The following MANBA variants were observed in gnomAD, a reference collection of about 807,000 sequenced individuals.
MANBA encodes the protein mannosidase beta.
MANBA carries 83 observed loss-of-function variants against 111.1 expected under a neutral mutation model. The ratio of observed to expected loss-of-function variants is 0.75; its 90% confidence interval spans 0.63 to 0.90. The LOEUF (loss-of-function observed/expected upper bound fraction) is 0.90. MANBA is among the 40% of genes least tolerant of loss of function. The pLI, the probability that MANBA is intolerant of heterozygous loss-of-function variation, is 0.00. For missense variants in MANBA, 1,036 were observed against 1,069.0 expected, an observed-to-expected ratio of 0.97 and a Z score of 0.43; for synonymous variants, 370 against 378.7, an observed-to-expected ratio of 0.98 and a Z score of 0.27.
rs374622354 is a variant in MANBA at position 102,636,014 on chromosome 4, A to G, written c.2015-7T>C. 78 of 1,613,048 alleles carry G rather than the reference A, an allele frequency of 4.8e-5. No individual in the cohort carries two copies. Among genetic ancestry groups the G allele is most frequent in the Non-Finnish European group, 6.1e-5 (72 of 1,179,168 alleles). ...TTCCACTTTCCTCCGTACTCTGAAA[A>G]TAATCAAGAGTGTCAGGAGACGGCA... On this transcript the variant is annotated splice_polypyrimidine_tract_variant and splice_region_variant and intron_variant, in intron 14 of 16. Transcript: ENST00000647097.
At chr4:102,719,932 A>G (rs1722498119) in intron 4 of MANBA, among the ~76,000 whole-genome samples, 1 of 152,252 alleles carries the variant, frequency 6.6e-6, no homozygotes, top group Non-Finnish European at 1.5e-5. Context: ...GATAGCAGAA[A>G]ACTGGATCTG....
At chr4:102,730,568 C>A in intron 1 of MANBA, 1 of 537,078 alleles carries the variant, frequency 1.9e-6, no homozygotes. Flanking sequence ...TAATTTAGTG[C>A]GTCATTGATG....
intron 1 of MANBA, among the ~76,000 whole-genome samples, chr4:102,757,520 A>G (rs949951218): frequency 1.3e-5 from 2 of 152,190 alleles, no homozygotes; most frequent in Admixed American, 1.3e-4. Flanking sequence ...AAATCCTGGT[A>G]TTTTCCTGCA....
At chr4:102,723,127 A>C in intron 3 of MANBA, 86 bp from the exon 4 acceptor site, 6 of 1,192,972 alleles carry the variant, frequency 5.0e-6, no homozygotes, top group Non-Finnish European at 7.3e-6. Flanking sequence ...TTTGTATGAA[A>C]GACACATAAT....
intron 7 of MANBA, among the ~76,000 whole-genome samples, chr4:102,684,400 A>G (rs1367278936): frequency 2.0e-5 from 3 of 152,172 alleles, no homozygotes; most frequent in Non-Finnish European, 2.9e-5. Context: ...GCAGTTTAGC[A>G]TAATCTACAA....
chr4:102,750,012 CTG>C (rs967760715), intron 1 of MANBA, among the ~76,000 whole-genome samples: 3 of 152,112 alleles, frequency 2.0e-5, no homozygotes, highest in African/African-American at 7.2e-5. Context: ...TTTAAACTAT[CTG>C]TTTTTTTTAA....
intron 7 of MANBA, among the ~76,000 whole-genome samples, chr4:102,685,591 A>G (rs1381598418): frequency 2.0e-5 from 3 of 152,114 alleles, no homozygotes; most frequent in Admixed American, 1.3e-4. Flanking sequence ...TGCCCTCTCA[A>G]CTACCTCCCT....
rs1731368555 is a variant in MANBA, at chr4:102,669,066, A to C, written c.1231-17T>G. On this transcript the variant is annotated splice_polypyrimidine_tract_variant and intron_variant, in intron 9 of 16. Transcript: ENST00000647097. Reference sequence around the variant, plus strand: ...CTGCCATACCTAGCAAATCAAATAAAAGGGAATGCAACACTTCCATAAGTT... The same window carrying C: ...CTGCCATACCTAGCAAATCAAATAACAGGGAATGCAACACTTCCATAAGTT... The C allele has an allele frequency of 6.4e-7, 1 of 1,557,586 alleles. No homozygotes were observed.
At chr4:102,652,295 C>A (rs541953782) in intron 12 of MANBA, among the ~76,000 whole-genome samples, 137 of 152,306 alleles carry the variant, frequency 9.0e-4, no homozygotes, top group African/African-American at 3.2e-3. Flanking sequence ...CACTCTACTT[C>A]TTTGAGCTGA....
rs371733067 is a variant in MANBA, at chr4:102,722,975, A to C, written c.445T>G (p.Leu149Val). ...GCTTTGCTCTGCTGTGCTGCATACAACACCGCTGACTGGAAACGCAGCTCA... is the reference window on the plus strand; with the variant it reads ...GCTTTGCTCTGCTGTGCTGCATACACCACCGCTGACTGGAAACGCAGCTCA... ...SIELRFQSAV[L>V]YAAQQSKAHT... Residue 149 changes from leucine to valine, a missense_variant, in exon 4 of 17, where the codon TTG becomes GTG. Transcript: ENST00000647097. 12 of 1,614,100 alleles carry C rather than the reference A, an allele frequency of 7.4e-6. No individual in the cohort carries two copies. Among genetic ancestry groups the C allele is most frequent in the Admixed American group, 1.7e-5 (1 of 60,032 alleles).
intron 1 of MANBA, among the ~76,000 whole-genome samples, chr4:102,743,715 G>C (rs1384136304): frequency 2.0e-5 from 3 of 152,138 alleles, no homozygotes; most frequent in Non-Finnish European, 4.4e-5. Context: ...CTACTTTATG[G>C]CTAGATGGGT....
In MANBA at chr4:102,760,728, C is replaced by T. The variant is rs1249222063; in HGVS notation, c.167G>A (p.Gly56Asp). 4 of 1,540,948 alleles carry T rather than the reference C, an allele frequency of 2.6e-6. No homozygotes were observed. Among genetic ancestry groups the T allele is most frequent in the East Asian group, 2.5e-5 (1 of 40,744 alleles). ...GCVHSALFQQ[G>D]LIQDSYYRFN... is the part of the protein sequence containing the mutation. ...GGCCGCACGCCATACCTGGATCAGG[C>T]CCTGCTGGAACAAGGCGCTGTGCAC... Residue 56 changes from glycine to aspartate, a missense_variant, in exon 1 of 17, where the codon GGC becomes GAC. Physicochemically the swap from Gly to Asp is moderately conservative, Grantham distance 94. Coordinates refer to ENST00000647097, the MANE Select transcript of MANBA (RefSeq NM_005908.4).
Position 102,636,563 on chromosome 4 carries a change from C to T in MANBA, c.2015-556G>A, listed in dbSNP as rs191679657. On this transcript the variant is annotated intron_variant, in intron 14 of 16. Transcript: ENST00000647097. ...TGATTGCTTTAATATATAACCATTT[C>T]GGGTGATAAGAGATAACAAATACCT... 1.4e-4 allele frequency among the ~76,000 whole-genome samples: 21 copies of T among 152,248 alleles called. No individual in the cohort carries two copies. The East Asian group carries it at 3.1e-3, about 22-fold the overall frequency.
intron 7 of MANBA, among the ~76,000 whole-genome samples, chr4:102,674,965 A>G (rs1731663192): frequency 6.6e-6 from 1 of 152,218 alleles, no homozygotes; most frequent in South Asian, 2.1e-4. Flanking sequence ...CTGACTCCTG[A>G]CTTTATTTAT....
intron 5 of MANBA, among the ~76,000 whole-genome samples, chr4:102,706,447 T>C (rs1733298998): frequency 6.6e-6 from 1 of 152,212 alleles, no homozygotes; most frequent in Non-Finnish European, 1.5e-5. Flanking sequence ...AGATACATCT[T>C]CAGGAAAAAT....
intron 1 of MANBA, chr4:102,752,147 A>G (rs1184728725): frequency 1.3e-6 from 1 of 775,234 alleles, no homozygotes; most frequent in Admixed American, 1.7e-5. Context: ...CTCTGGTCAC[A>G]AGGAAGCAAT....
At position 102,737,046 on chromosome 4, in the gene MANBA, C is replaced by T. The variant is rs542073959; in HGVS notation, c.178-10363G>A. On this transcript the variant is annotated intron_variant, in intron 1 of 16. Coordinates refer to ENST00000647097, the MANE Select transcript of MANBA (RefSeq NM_005908.4). ...TATAATAGTACCGAGAAAAGAAGCA[C>T]CGGAAAGAGCGAGTCCCCAGCTTGA... 1.2e-4 allele frequency among the ~76,000 whole-genome samples: 18 copies of T among 152,218 alleles called. No homozygotes were observed. In the East Asian group the frequency reaches 3.5e-3, roughly 29 times the overall value.
intron 9 of MANBA, among the ~76,000 whole-genome samples, chr4:102,670,154 C>CAAAAAAAAAAAA (rs70937560): frequency 2.8e-5 from 3 of 107,950 alleles, no homozygotes; most frequent in African/African-American, 1.3e-4. Flanking sequence ...GACTCCATAT[C>CAAAAAAAAAAAA]AAAAAAAAAA....
At chr4:102,672,606 G>A (rs751554890) in intron 8 of MANBA, among the ~76,000 whole-genome samples, 4 of 152,040 alleles carry the variant, frequency 2.6e-5, no homozygotes, top group African/African-American at 4.8e-5. Flanking sequence ...CTACAACAGG[G>A]GTCCCAACCC....
Sources: gnomAD v4.1 joint callset for allele counts (sites outside exome capture counted in the v4.1 genomes callset) on GRCh38, gnomAD v4.1.1 for gene constraint, MANE v1.5 for transcripts, NCBI Gene and HGNC (gene_info 2026-07-23, HGNC 2026-07-21) for gene names.